Variants in ARPIN observed in about 807,000 individuals in gnomAD.
The protein encoded by ARPIN is actin related protein 2/3 complex inhibitor.
A neutral mutation model predicts 25.9 loss-of-function variants in ARPIN; 23 were observed. The observed-to-expected ratio is 0.89, with a 90% CI of 0.64 to 1.26. ARPIN has a LOEUF of 1.26. Among genes scored for constraint, ARPIN ranks in the 50% most tolerant of loss-of-function variants. ARPIN has a pLI of 0.00. For synonymous variants in ARPIN, 126 were observed against 131.4 expected (o/e 0.96, Z 0.28); for missense variants, 333 against 312.2 (o/e 1.07, Z -0.50).
At chr15:89,908,905 C>T (rs1328846012) in intron 2 of ARPIN, among the ~76,000 whole-genome samples, 1 of 152,124 alleles carries the variant, frequency 6.6e-6, no homozygotes, top group Non-Finnish European at 1.5e-5. Context: ...ATCGCTTGAG[C>T]CCAGGAGGCG....
Position 89,907,216 on chromosome 15 carries a change from C to T in ARPIN, c.301+1064G>A, listed in dbSNP as rs1035355619. On this transcript the variant is annotated intron_variant, in intron 3 of 5. Transcript: ENST00000357484. ...CCAGATAGCTGGTATTACAGGTGCA[C>T]GCCACCATGCCCAGCTAATTTTTGT... Among the ~76,000 whole-genome samples, 8 of 151,736 alleles carry T rather than the reference C, an allele frequency of 5.3e-5. No homozygotes were observed. The South Asian group carries it at 8.3e-4, about 16-fold the overall frequency.
At chr15:89,910,237 C>T (rs1897198926) in intron 2 of ARPIN, among the ~76,000 whole-genome samples, 3 of 152,144 alleles carry the variant, frequency 2.0e-5, no homozygotes, top group Admixed American at 2.0e-4. Context: ...GTGGTCAGCA[C>T]ATCTAGGTGG....
Position 89,902,886 on chromosome 15 carries a change from A to G in ARPIN, c.672+330T>C, listed in dbSNP as rs890566572. On this transcript the variant is annotated intron_variant, in intron 5 of 5. Transcript: ENST00000357484. ...ACGCATTCAGTTGTTCAACTGCCTC[A>G]GCATGGTTAATGTATTCACTTGAAG... 4 of 1,248,062 alleles carry G rather than the reference A, an allele frequency of 3.2e-6. No homozygotes were observed. The African/African-American group carries it at 6.1e-5, about 19-fold the overall frequency. The allele number at this position is 1,248,062 out of a possible 1,614,324, so 77.3% of individuals were successfully genotyped here. A position where few individuals can be genotyped will look rare whatever the true frequency, so the allele number is the denominator to read the frequency against.
At chr15:89,904,070 T>C in intron 3 of ARPIN, 87 bp from the exon 4 acceptor site, 3 of 1,461,436 alleles carry the variant, frequency 2.1e-6, no homozygotes, top group Non-Finnish European at 2.7e-6. Flanking sequence ...GAGGGCTGAG[T>C]GTTTCCAAGC....
intron 1 of ARPIN, 50 bp downstream of exon 1, chr15:89,912,694 T>C: frequency 1.6e-6 from 1 of 643,270 alleles, no homozygotes; most frequent in Non-Finnish European, 2.0e-6. Context: ...TGTTGCGGGG[T>C]TCGAGCCGGG....
rs1467571166 is a variant in ARPIN, at chr15:89,895,480, G to A, written c.*6315C>T. ...CGGACTGCCTGGGCACCCTGGGCAA[G>A]TTTCCCCATCTGTAGAAAAGGTGTA... On this transcript the variant is annotated 3_prime_UTR_variant, in exon 6 of 6. Transcript: ENST00000357484. 1 of 152,288 alleles carries A rather than the reference G, an allele frequency of 6.6e-6. No homozygotes were observed. Among genetic ancestry groups the A allele is most frequent in the Non-Finnish European group, 1.5e-5 (1 of 68,110 alleles). The allele number at this position is 152,288 out of a possible 1,614,324, so 9.4% of individuals were successfully genotyped here.
At chr15:89,905,001 C>T (rs868497982) in intron 3 of ARPIN, among the ~76,000 whole-genome samples, 9 of 150,028 alleles carry the variant, frequency 6.0e-5, no homozygotes, top group South Asian at 4.2e-4. Context: ...CCTCTCACTT[C>T]CCTGACCACT....
At position 89,903,273 on chromosome 15, in the gene ARPIN, C is replaced by A. The variant is rs374244809; in HGVS notation, c.615G>T (p.Ser205=). The A allele has an allele frequency of 1.2e-6, 2 of 1,614,108 alleles. No individual in the cohort carries two copies. ...WTDNIMAQKC[S]KGAAAEIREQ... ...CTCGGATCTCCGCTGCAGCCCCCTT[C>A]GAACACTTTTGGGCCATGATGTTGT... is the stretch of plus-strand genomic sequence containing the variant. Residue 205 remains serine, a synonymous_variant, in exon 5 of 6, where the codon TCG becomes TCT. Coordinates refer to ENST00000357484, the MANE Select transcript of ARPIN (RefSeq NM_182616.4).
intron 3 of ARPIN, among the ~76,000 whole-genome samples, chr15:89,906,428 C>A (rs542154451): frequency 2.0e-4 from 30 of 152,286 alleles, no homozygotes; most frequent in African/African-American, 6.3e-4. Context: ...AAATCCCTGG[C>A]ACCTGGCTGA....
Position 89,908,270 on chromosome 15 carries a change from G to A in ARPIN, c.301+10C>T, listed in dbSNP as rs200008662. On this transcript the variant is annotated intron_variant, in intron 3 of 5. Transcript: ENST00000357484. ...CCCTGAGGGAGAGAGGGAGGGCAGA[G>A]GATACCTACTGTAGGACGACATGAG... 20 of 1,613,974 alleles carry A rather than the reference G, an allele frequency of 1.2e-5. No homozygotes were observed. The highest frequency in any genetic ancestry group is 1.7e-5 in the Non-Finnish European group (20 of 1,179,966).
chr15:89,904,072 T>C (rs941762111), intron 3 of ARPIN, 89 bp from the exon 4 acceptor site: 3 of 1,455,714 alleles, frequency 2.1e-6, no homozygotes, highest in Non-Finnish European at 2.7e-6. Flanking sequence ...GGGCTGAGTG[T>C]TTCCAAGCTC....
intron 2 of ARPIN, among the ~76,000 whole-genome samples, chr15:89,910,262 G>C (rs1437153295): frequency 1.3e-5 from 2 of 152,100 alleles, no homozygotes; most frequent in Non-Finnish European, 2.9e-5. Context: ...ATTTGAAGGG[G>C]GAGTGGAAAG....
rs1218464004 is a variant in ARPIN, at chr15:89,908,389, G to A, written c.192C>T (p.Ile64=). ...TACGGCGATGGATGTGACTGGGCCG[G>A]ATATACAGCACGTAGTAGCGCTCCT... is the stretch of plus-strand genomic sequence containing the variant. ...GRKERYYVLY[I]RPSHIHRRKF... is the part of the protein sequence containing the mutation. The change falls in exon 3 of 6, where the codon ATC becomes ATT. Residue 64 remains isoleucine (I), a synonymous_variant. Transcript: ENST00000357484. The A allele has an allele frequency of 1.2e-6, 2 of 1,614,160 alleles. No individual in the cohort carries two copies. Among genetic ancestry groups the A allele is most frequent in the Admixed American group, 1.7e-5 (1 of 60,022 alleles).
chr15:89,904,906 C>G (rs972811305), intron 3 of ARPIN, among the ~76,000 whole-genome samples: 33 of 152,316 alleles, frequency 2.2e-4, no homozygotes, highest in Non-Finnish European at 3.8e-4. Context: ...CAGGACTGCT[C>G]CATCCTCCTC....
chr15:89,902,748 G>T, intron 5 of ARPIN: 2 of 567,012 alleles, frequency 3.5e-6, no homozygotes, highest in Non-Finnish European at 4.6e-6. Flanking sequence ...ACTGTGAATA[G>T]GCTGAGGATC....
intron 1 of ARPIN, 137 bp downstream of exon 1, chr15:89,912,607 G>A (rs1897245180): frequency 7.4e-7 from 1 of 1,351,668 alleles, no homozygotes; most frequent in Non-Finnish European, 9.4e-7. Context: ...CGGACTGGAG[G>A]GGCGGACTGA....
intron 3 of ARPIN, among the ~76,000 whole-genome samples, chr15:89,905,469 C>G (rs111889606): frequency 0.022 from 3,366 of 152,234 alleles, 61 homozygotes; most frequent in Non-Finnish European, 0.034. Flanking sequence ...TCTCTCTCCC[C>G]ACTCCTTGAC....
At position 89,910,658 on chromosome 15, in the gene ARPIN, G is replaced by A. The variant is rs774630452; in HGVS notation, c.168+86C>T. On this transcript the variant is annotated intron_variant, in intron 2 of 5. Transcript: ENST00000357484. The stretch of plus-strand genomic sequence containing the variant: ...ATCAAGAATCCCAACTCATGGCACT[G>A]GAAGGACCCAGCACAAGGAGATGCC... 8.3e-6 allele frequency: 13 copies of A among 1,557,660 alleles called. No individual in the cohort carries two copies. In the Admixed American group the frequency reaches 1.4e-4, roughly 16 times the overall value.
In ARPIN at chr15:89,909,976, C is replaced by T. The variant is rs142010490; in HGVS notation, c.168+768G>A. On this transcript the variant is annotated intron_variant, in intron 2 of 5. Transcript: ENST00000357484. ...CGGCAGATGAGGCAAGCAAGCCCCA[C>T]ATCAGCATGGAGACACTGCTGGGCT... Among the ~76,000 whole-genome samples, 412 of 152,342 alleles carry T rather than the reference C, an allele frequency of 2.7e-3. 1 individual carries two copies. Among genetic ancestry groups the T allele is most frequent in the Non-Finnish European group, 4.4e-3 (301 of 68,012 alleles).
Sources: gnomAD v4.1 joint callset for allele counts (sites outside exome capture counted in the v4.1 genomes callset) on GRCh38, gnomAD v4.1.1 for gene constraint, MANE v1.5 for transcripts, NCBI Gene and HGNC (gene_info 2026-07-23, HGNC 2026-07-21) for gene names.